ZCWPW2: variants seen among roughly 807,000 people sequenced by gnomAD.
ZCWPW2 encodes zinc finger CW-type and PWWP domain containing 2, also known as zinc finger CW-type PWWP domain protein 2.
ZCWPW2 carries 45 observed loss-of-function variants against 46.6 expected under a neutral mutation model. That is an observed-to-expected ratio of 0.96 (90% CI 0.76 to 1.24). ZCWPW2 has a LOEUF of 1.24. Among genes scored for constraint, ZCWPW2 ranks in the 50% most tolerant of loss-of-function variants. ZCWPW2 has a pLI of 0.00. For synonymous variants in ZCWPW2, 152 were observed against 137.1 expected (o/e 1.11, Z -0.76); for missense variants, 429 against 403.9 (o/e 1.06, Z -0.53).
intron 4 of ZCWPW2, among the ~76,000 whole-genome samples, chr3:28,467,779 A>G (rs1698882190): frequency 6.6e-6 from 1 of 152,218 alleles, no homozygotes; most frequent in Non-Finnish European, 1.5e-5. Flanking sequence ...TACGGGGCTC[A>G]CTAATGCAGA....
intron 2 of ZCWPW2, among the ~76,000 whole-genome samples, chr3:28,408,080 C>G (rs927964373): frequency 7.9e-5 from 12 of 152,094 alleles, no homozygotes; most frequent in African/African-American, 2.9e-4. Flanking sequence ...ATCTAAAATA[C>G]CAAGAGGTTT....
chr3:28,403,119 A>T (rs1422615252), intron 2 of ZCWPW2, among the ~76,000 whole-genome samples: 1 of 152,120 alleles, frequency 6.6e-6, no homozygotes, highest in Non-Finnish European at 1.5e-5. Context: ...CTGCTGTTTG[A>T]TGATGATGTG....
intron 1 of ZCWPW2, among the ~76,000 whole-genome samples, chr3:28,377,202 A>G (rs1480930383): frequency 6.6e-6 from 1 of 152,152 alleles, no homozygotes; most frequent in East Asian, 1.9e-4. Flanking sequence ...TATGTCATGC[A>G]TTAAAGATGC....
At chr3:28,520,235 G>A (rs1700687510) in intron 8 of ZCWPW2, among the ~76,000 whole-genome samples, 1 of 151,946 alleles carries the variant, frequency 6.6e-6, no homozygotes, top group Non-Finnish European at 1.5e-5. Flanking sequence ...TCAATCTCCT[G>A]ACCTCGTGAT....
At position 28,428,614 on chromosome 3, in the gene ZCWPW2, ATT is replaced by A. The variant is rs560744859; in HGVS notation, c.333-6494_333-6493del. ...GTTAATTATGATCAGTAATGACACA[ATT>A]TGGCTCTGTAACCCACCTGAATCTC... On this transcript the variant is annotated intron_variant, in intron 3 of 9. Transcript: ENST00000383768. Among the ~76,000 whole-genome samples the A allele has an allele frequency of 2.5e-3, 374 of 152,290 alleles. 1 individual carries two copies. The highest frequency in any genetic ancestry group is 8.2e-3 in the African/African-American group (341 of 41,550).
At chr3:28,369,748 C>T (rs368124655) in intron 1 of ZCWPW2, among the ~76,000 whole-genome samples, 4 of 152,190 alleles carry the variant, frequency 2.6e-5, no homozygotes, top group Admixed American at 6.5e-5. Context: ...ATGCCCTGCC[C>T]GCAGAGGTGG....
At chr3:28,349,266 G>C in intron 1 of ZCWPW2, 63 bp downstream of exon 1, 1 of 943,396 alleles carries the variant, frequency 1.1e-6, no homozygotes, top group Non-Finnish European at 1.3e-6. Flanking sequence ...GCGCCCTCTG[G>C]TGCGTCTTTT....
intron 1 of ZCWPW2, among the ~76,000 whole-genome samples, chr3:28,355,940 CA>C: frequency 6.6e-6 from 1 of 152,272 alleles, no homozygotes; most frequent in East Asian, 1.9e-4. Context: ...TAGGCATGGG[CA>C]AGGACTTCAT....
intron 1 of ZCWPW2, among the ~76,000 whole-genome samples, chr3:28,373,704 G>A (rs954917246): frequency 6.6e-6 from 1 of 152,114 alleles, no homozygotes; most frequent in African/African-American, 2.4e-5. Context: ...TTGAACTCCT[G>A]ACCTCAGGTG....
rs1695836585 is a variant in ZCWPW2, at chr3:28,399,404, A to G, written c.-14+8787A>G. Among the ~76,000 whole-genome samples, 5 of 152,104 alleles carry G rather than the reference A, an allele frequency of 3.3e-5. No homozygotes were observed. The South Asian group carries it at 1.0e-3, about 31-fold the overall frequency. The stretch of plus-strand genomic sequence containing the variant: ...TCTTGGGAGTTCTAGGGCCCCACCC[A>G]CCACCTGTTCCTTTACATACTGCCA... On this transcript the variant is annotated intron_variant, in intron 2 of 9. Transcript: ENST00000383768.
At position 28,366,089 on chromosome 3, in the gene ZCWPW2, A is replaced by T. The variant is rs538485301; in HGVS notation, c.-134+16886A>T. Among the ~76,000 whole-genome samples, 1,036 of 151,840 alleles carry T rather than the reference A, an allele frequency of 6.8e-3. 10 individuals carry two copies. Among genetic ancestry groups the T allele is most frequent in the African/African-American group, 0.023 (940 of 41,388 alleles). ...AGATATACAATCATGTCATCTGCAA[A>T]CAGGGATAATTTGACTTCCTCTTTT... On this transcript the variant is annotated intron_variant, in intron 1 of 9. Transcript: ENST00000383768.
At chr3:28,428,239 C>T (rs1271655658) in intron 3 of ZCWPW2, 1 of 152,284 alleles carries the variant, frequency 6.6e-6, no homozygotes, top group Admixed American at 6.5e-5. Flanking sequence ...CTACAATTGA[C>T]TTTCTGTTAT....
intron 1 of ZCWPW2, among the ~76,000 whole-genome samples, chr3:28,358,004 C>T (rs1417892903): frequency 6.6e-6 from 1 of 151,750 alleles, no homozygotes; most frequent in East Asian, 1.9e-4. Flanking sequence ...TATTTATTCA[C>T]TGAAATTACC....
chr3:28,496,082 T>A (rs4680915), intron 6 of ZCWPW2, among the ~76,000 whole-genome samples: 121,043 of 151,978 alleles, frequency 0.8, 48,897 homozygotes, highest in African/African-American at 0.94. Context: ...AGGCAAACTG[T>A]CATAGAATAG....
chr3:28,357,922 G>C (rs187468710), intron 1 of ZCWPW2, among the ~76,000 whole-genome samples: 1 of 151,310 alleles, frequency 6.6e-6, no homozygotes, highest in African/African-American at 2.4e-5. Context: ...GTTTCCTAGA[G>C]TGAAGACAAA....
chr3:28,431,598 T>C (rs1697261135), intron 3 of ZCWPW2, among the ~76,000 whole-genome samples: 1 of 152,076 alleles, frequency 6.6e-6, no homozygotes, highest in African/African-American at 2.4e-5. Flanking sequence ...TATGACCACA[T>C]CTGAAGCTAG....
intron 8 of ZCWPW2, among the ~76,000 whole-genome samples, chr3:28,516,850 TAA>T (rs58592559): frequency 1.4e-5 from 2 of 138,682 alleles, no homozygotes; most frequent in African/African-American, 5.3e-5. Flanking sequence ...CTACTAAAAT[TAA>T]AAAAAAAAAA....
chr3:28,493,271 G>A (rs1250833058), intron 6 of ZCWPW2, among the ~76,000 whole-genome samples: 1 of 136,804 alleles, frequency 7.3e-6, no homozygotes, highest in Non-Finnish European at 1.6e-5. Context: ...CTAGCATTAG[G>A]TATATCTCCC....
chr3:28,446,114 C>T (rs915606774), intron 4 of ZCWPW2, among the ~76,000 whole-genome samples: 1 of 151,982 alleles, frequency 6.6e-6, no homozygotes, highest in East Asian at 1.9e-4. Context: ...AATGGATAGA[C>T]CACCAGGCAG....
Sources: gnomAD v4.1 joint callset for allele counts (sites outside exome capture counted in the v4.1 genomes callset) on GRCh38, gnomAD v4.1.1 for gene constraint, MANE v1.5 for transcripts, NCBI Gene and HGNC (gene_info 2026-07-23, HGNC 2026-07-21) for gene names.